ETV6: variants seen among roughly 807,000 people sequenced by gnomAD.
ETV6 encodes transcription factor ETV6.
ETV6 carries 16 observed loss-of-function variants against 51.1 expected under a neutral mutation model. That is an observed-to-expected ratio of 0.31 (90% CI 0.21 to 0.48). ETV6 has a LOEUF of 0.48. Among genes scored for constraint, ETV6 ranks in the 20% least tolerant of loss-of-function variants. The pLI is 0.99. For missense variants in ETV6, 458 were observed against 594.8 expected (o/e 0.77, Z 2.39); for synonymous variants, 240 against 224.1 (o/e 1.07, Z -0.64).
rs548711374 is a variant in ETV6, at chr12:11,653,624, G to A, written c.33+3464G>A. On this transcript the variant is annotated intron_variant, in intron 1 of 7. Transcript: ENST00000396373. ...ATGTTTGCTGATGTGAATGAAGTGA[G>A]AGGTGGGAGGAGGCCAGCCCCCTTT... 2.2e-3 allele frequency among the ~76,000 whole-genome samples: 329 copies of A among 152,162 alleles called. 3 individuals carry two copies. The highest frequency in any genetic ancestry group is 7.7e-3 in the African/African-American group (319 of 41,516).
intron 4 of ETV6, among the ~76,000 whole-genome samples, chr12:11,856,979 G>C (rs1946641759): frequency 6.6e-6 from 1 of 152,240 alleles, no homozygotes; most frequent in Admixed American, 6.5e-5. Flanking sequence ...GGGTAGGTAA[G>C]TAGGTGGATA....
intron 2 of ETV6, among the ~76,000 whole-genome samples, chr12:11,806,385 A>ATAAG (rs1945830068): frequency 6.6e-6 from 1 of 152,214 alleles, no homozygotes; most frequent in African/African-American, 2.4e-5. Context: ...AGGTTAAAGG[A>ATAAG]TAAGCATTTG....
At chr12:11,844,851 T>C (rs80045723) in intron 3 of ETV6, among the ~76,000 whole-genome samples, 25 of 151,874 alleles carry the variant, frequency 1.6e-4, no homozygotes, top group Non-Finnish European at 2.9e-4. Context: ...TTTTTTTTTT[T>C]AGATGGATTC....
chr12:11,715,272 G>C (rs779647904), intron 1 of ETV6, among the ~76,000 whole-genome samples: 6 of 152,146 alleles, frequency 3.9e-5, no homozygotes, highest in Admixed American at 2.0e-4. Context: ...GCCTTGAGTG[G>C]AGATGGACCC....
intron 1 of ETV6, among the ~76,000 whole-genome samples, chr12:11,678,571 G>C (rs1461498067): frequency 6.6e-6 from 1 of 151,946 alleles, no homozygotes; most frequent in Non-Finnish European, 1.5e-5. Flanking sequence ...TTTTTCTGCT[G>C]TTCATACAAT....
chr12:11,834,263 G>A (rs1700219555), intron 2 of ETV6, among the ~76,000 whole-genome samples: 1 of 152,206 alleles, frequency 6.6e-6, no homozygotes, highest in Admixed American at 6.5e-5. Flanking sequence ...GAAAAGTCAG[G>A]GGATCAGGGG....
intron 1 of ETV6, among the ~76,000 whole-genome samples, chr12:11,660,501 A>C (rs1338726425): frequency 2.0e-5 from 3 of 147,704 alleles, no homozygotes; most frequent in East Asian, 4.1e-4. Flanking sequence ...CGGGAGGCTG[A>C]GGCAGGAGAA....
At chr12:11,822,948 A>C (rs1591699606) in intron 2 of ETV6, among the ~76,000 whole-genome samples, 1 of 152,320 alleles carries the variant, frequency 6.6e-6, no homozygotes, top group African/African-American at 2.4e-5. Flanking sequence ...CTGCATTAAA[A>C]CAGCCATTTT....
At chr12:11,713,516 G>T (rs1218325658) in intron 1 of ETV6, among the ~76,000 whole-genome samples, 2 of 152,096 alleles carry the variant, frequency 1.3e-5, no homozygotes, top group African/African-American at 4.8e-5. Flanking sequence ...TTCTCCCTCA[G>T]GGCCTTTGCG....
chr12:11,756,805 A>C (rs1325954537), intron 2 of ETV6, among the ~76,000 whole-genome samples: 1 of 152,204 alleles, frequency 6.6e-6, no homozygotes, highest in Non-Finnish European at 1.5e-5. Flanking sequence ...CTTATGAAAC[A>C]CTGGGCCTCA....
intron 1 of ETV6, among the ~76,000 whole-genome samples, chr12:11,722,329 GAGA>G (rs34930395): frequency 0.018 from 2,802 of 152,296 alleles, 34 homozygotes; most frequent in Non-Finnish European, 0.027. Flanking sequence ...CTCCAGGGAG[GAGA>G]AGAAGGAGGC....
At chr12:11,768,126 T>G (rs1283450272) in intron 2 of ETV6, among the ~76,000 whole-genome samples, 1 of 151,272 alleles carries the variant, frequency 6.6e-6, no homozygotes, top group Non-Finnish European at 1.5e-5. Flanking sequence ...CTAATTTGAT[T>G]CTTTTTTTTT....
rs1182273139 is a variant in ETV6 at position 11,891,772 on chromosome 12, C to T, written c.*726C>T. The T allele has an allele frequency of 1.6e-5, 6 of 364,410 alleles. No individual in the cohort carries two copies. Among genetic ancestry groups the T allele is most frequent in the Non-Finnish European group, 3.2e-5 (6 of 187,880 alleles). 22.6% of individuals were successfully genotyped at this position (364,410 alleles called of 1,614,324 possible). ...TGGAGAGTCTTGGGGATTGTTGGCA[C>T]CTAAACAGAATCAGTGACCCGGGTG... On this transcript the variant is annotated 3_prime_UTR_variant, in exon 8 of 8. Coordinates refer to ENST00000396373, the MANE Select transcript of ETV6 (RefSeq NM_001987.5).
intron 1 of ETV6, among the ~76,000 whole-genome samples, chr12:11,670,048 C>T (rs1864284902): frequency 6.6e-6 from 1 of 152,170 alleles, no homozygotes; most frequent in Non-Finnish European, 1.5e-5. Context: ...AATTGTTCAC[C>T]TGGGCTTGTT....
intron 1 of ETV6, chr12:11,751,948 C>G: frequency 2.6e-6 from 1 of 391,730 alleles, no homozygotes; most frequent in South Asian, 2.0e-5. Flanking sequence ...AAATCTAGAA[C>G]TTATCTTTGA....
chr12:11,678,624 G>A (rs1465312113), intron 1 of ETV6, among the ~76,000 whole-genome samples: 1 of 152,152 alleles, frequency 6.6e-6, no homozygotes, highest in Non-Finnish European at 1.5e-5. Flanking sequence ...CAGAGAAACA[G>A]AACCACAAGG....
At chr12:11,742,260 G>A (rs2724641) in intron 1 of ETV6, among the ~76,000 whole-genome samples, 129,567 of 151,858 alleles carry the variant, frequency 0.85, 58,083 homozygotes, top group Non-Finnish European at 0.99. Context: ...ATTAATGCTG[G>A]TGGCATTTGC....
intron 2 of ETV6, among the ~76,000 whole-genome samples, chr12:11,810,640 T>C (rs1945899774): frequency 6.6e-6 from 1 of 152,236 alleles, no homozygotes. Flanking sequence ...ACTATCACAA[T>C]TAGTGAAGTC....
intron 3 of ETV6, among the ~76,000 whole-genome samples, chr12:11,843,442 A>G (rs1206376659): frequency 6.6e-6 from 1 of 152,158 alleles, no homozygotes; most frequent in East Asian, 1.9e-4. Context: ...ACGTCACTTC[A>G]CTTGGCCTTA....
Sources: allele counts gnomAD v4.1 joint callset (sites outside exome capture counted in the v4.1 genomes callset), GRCh38; gene constraint gnomAD v4.1.1; transcripts MANE v1.5; gene names NCBI Gene and HGNC (gene_info 2026-07-23, HGNC 2026-07-21).